ZNF385D: variants seen among roughly 807,000 people sequenced by gnomAD.
ZNF385D encodes zinc finger protein 659.
ZNF385D carries 15 observed loss-of-function variants against 35.8 expected under a neutral mutation model. The observed-to-expected ratio is 0.42, with a 90% CI of 0.28 to 0.64. ZNF385D has a LOEUF of 0.64. ZNF385D is among the 30% of genes least tolerant of loss of function. The pLI is 0.23. For missense variants in ZNF385D, 474 were observed against 494.6 expected (o/e 0.96, Z 0.39); for synonymous variants, 212 against 186.8 (o/e 1.13, Z -1.10).
chr3:22,153,717 G>C (rs1705411854), intron 3 of ZNF385D, among the ~76,000 whole-genome samples: 1 of 152,038 alleles, frequency 6.6e-6, no homozygotes, highest in Non-Finnish European at 1.5e-5. Flanking sequence ...ACCCACCTCG[G>C]CCTCCCAAAG....
intron 3 of ZNF385D, among the ~76,000 whole-genome samples, chr3:21,925,032 C>A (rs1228809660): frequency 6.6e-6 from 1 of 152,110 alleles, no homozygotes; most frequent in Admixed American, 6.6e-5. Context: ...GAGGTACATA[C>A]CATGTTCATG....
intron 4 of ZNF385D, among the ~76,000 whole-genome samples, chr3:21,484,792 T>C (rs141084212): frequency 0.015 from 2,257 of 152,274 alleles, 50 homozygotes; most frequent in African/African-American, 0.05. Flanking sequence ...CCTACAAGGC[T>C]GTCTCTTCCA....
chr3:22,229,478 G>A (rs957813249), intron 2 of ZNF385D, among the ~76,000 whole-genome samples: 1 of 152,188 alleles, frequency 6.6e-6, no homozygotes, highest in African/African-American at 2.4e-5. Flanking sequence ...ATTGTTGGCT[G>A]TTTTCCAGAT....
At chr3:21,702,639 T>C (rs1466770262) in intron 1 of ZNF385D, among the ~76,000 whole-genome samples, 1 of 152,238 alleles carries the variant, frequency 6.6e-6, no homozygotes, top group Admixed American at 6.5e-5. Context: ...TGAACTTTTA[T>C]GCACTGTTTC....
intron 3 of ZNF385D, among the ~76,000 whole-genome samples, chr3:21,948,101 T>C (rs12330201): frequency 0.072 from 10,992 of 152,116 alleles, 1,317 homozygotes; most frequent in African/African-American, 0.25. Flanking sequence ...TTTTTTCCTG[T>C]CAATATCACA....
At chr3:22,117,845 A>G (rs960175761) in intron 3 of ZNF385D, among the ~76,000 whole-genome samples, 1 of 152,044 alleles carries the variant, frequency 6.6e-6, no homozygotes, top group Non-Finnish European at 1.5e-5. Flanking sequence ...CTTTTTATCT[A>G]ATATAATCGT....
chr3:22,289,911 G>C (rs757651019), intron 2 of ZNF385D, among the ~76,000 whole-genome samples: 88 of 152,232 alleles, frequency 5.8e-4, no homozygotes, highest in Non-Finnish European at 1.1e-3. Flanking sequence ...CTCTAATGCA[G>C]CCTTGTTAGA....
At chr3:21,906,728 G>A (rs534899236) in intron 3 of ZNF385D, among the ~76,000 whole-genome samples, 1 of 152,254 alleles carries the variant, frequency 6.6e-6, no homozygotes, top group Non-Finnish European at 1.5e-5. Context: ...GCTTTTGGAT[G>A]TTATTGTTCT....
chr3:21,480,309 A>C lies in ZNF385D; in HGVS notation c.439+30552T>G, dbSNP rs537180201. On this transcript the variant is annotated intron_variant, in intron 4 of 7. Coordinates refer to ENST00000281523, the MANE Select transcript of ZNF385D (RefSeq NM_024697.3). ...GTAGATACAGGGTTTCACCATGTTG[A>C]TCAGGCTGATCTCGAACTCCTGACC... 2.6e-5 allele frequency among the ~76,000 whole-genome samples: 4 copies of C among 152,020 alleles called. No individual in the cohort carries two copies. The East Asian group carries it at 7.8e-4, about 30-fold the overall frequency.
rs931162078 is a variant in ZNF385D, at chr3:21,887,991, G to A, written c.326-222963C>T. 2.0e-5 allele frequency among the ~76,000 whole-genome samples: 3 copies of A among 152,032 alleles called. No homozygotes were observed. In the East Asian group the frequency reaches 5.8e-4, roughly 29 times the overall value. On this transcript the variant is annotated intron_variant, in intron 3 of 5. Coordinates refer to the ZNF385D transcript ENST00000494108. The stretch of plus-strand genomic sequence containing the variant: ...CTACTTACTAAAAATACATCACAAT[G>A]AATAAAATTACTGTTAAAATAAAGT...
Position 21,986,050 on chromosome 3 carries a change from TTCTC to T in ZNF385D, c.325+182763_325+182766del, listed in dbSNP as rs1225408138. ...ATTTTTTATTGTGTCTATTTGATTC[TTCTC>T]TCTTTTTTTCTTTATTAGTCTTCCT... is the stretch of plus-strand genomic sequence containing the variant. On this transcript the variant is annotated intron_variant, in intron 3 of 5. Transcript: ENST00000494108. Among the ~76,000 whole-genome samples, 2 of 104,336 alleles carry T rather than the reference TTCTC, an allele frequency of 1.9e-5. 1 individual carries two copies. The highest frequency in any genetic ancestry group is 3.6e-5 in the Non-Finnish European group (2 of 56,326). 68.4% of individuals were successfully genotyped at this position (104,336 alleles called of 152,430 possible). A position where few individuals can be genotyped will look rare whatever the true frequency, so the allele number is the denominator to read the frequency against.
chr3:21,417,191 G>T lies in ZNF385D; in HGVS notation c.*4023C>A, dbSNP rs1467767320. ...TAGCTGCATTGGTCACTCGAATAAA[G>T]AATTTTTATTCCTGAGAGGATAAAA... is the stretch of plus-strand genomic sequence containing the variant. On this transcript the variant is annotated 3_prime_UTR_variant, in exon 8 of 8. Transcript: ENST00000281523. The T allele has an allele frequency of 6.6e-6, 1 of 152,070 alleles. No homozygotes were observed. The highest frequency in any genetic ancestry group is 1.5e-5 in the Non-Finnish European group (1 of 67,976). 9.4% of individuals were successfully genotyped at this position (152,070 alleles called of 1,614,324 possible).
chr3:22,333,413 T>G (rs1695024971), intron 2 of ZNF385D, among the ~76,000 whole-genome samples: 2 of 152,192 alleles, frequency 1.3e-5, no homozygotes, highest in African/African-American at 2.4e-5. Context: ...AAATGTTAAA[T>G]TGACTTTTCG....
intron 2 of ZNF385D, among the ~76,000 whole-genome samples, chr3:22,307,486 C>T (rs896881927): frequency 3.9e-5 from 6 of 152,062 alleles, no homozygotes. Context: ...TAAGAAAAAA[C>T]ATGGTTATTT....
chr3:21,702,496 A>G (rs983362865), intron 1 of ZNF385D, among the ~76,000 whole-genome samples: 8 of 152,214 alleles, frequency 5.3e-5, no homozygotes, highest in Admixed American at 3.9e-4. Context: ...CATGGCCTGG[A>G]AACATTTTCC....
intron 3 of ZNF385D, among the ~76,000 whole-genome samples, chr3:22,117,209 CAAGTAG>C (rs1238121505): frequency 6.6e-6 from 1 of 151,906 alleles, no homozygotes; most frequent in African/African-American, 2.4e-5. Flanking sequence ...TAAATTATTA[CAAGTAG>C]AAGTGTGCTT....
chr3:21,638,524 A>G (rs565865135), intron 2 of ZNF385D, among the ~76,000 whole-genome samples: 1 of 152,226 alleles, frequency 6.6e-6, no homozygotes, highest in Admixed American at 6.5e-5. Flanking sequence ...GGACTTGGGA[A>G]GCAAAAGGAA....
intron 3 of ZNF385D, among the ~76,000 whole-genome samples, chr3:22,167,313 C>T (rs1706398834): frequency 6.6e-6 from 1 of 152,158 alleles, no homozygotes; most frequent in Non-Finnish European, 1.5e-5. Flanking sequence ...CTTGCACACT[C>T]ACAAATATAT....
chr3:21,628,897 C>T (rs1231322547), intron 2 of ZNF385D, among the ~76,000 whole-genome samples: 1 of 152,056 alleles, frequency 6.6e-6, no homozygotes, highest in Admixed American at 6.6e-5. Context: ...TAAATGTGAC[C>T]TAAAATATCC....
Sources: gnomAD v4.1 joint callset for allele counts (sites outside exome capture counted in the v4.1 genomes callset) on GRCh38, gnomAD v4.1.1 for gene constraint, MANE v1.5 for transcripts, NCBI Gene and HGNC (gene_info 2026-07-23, HGNC 2026-07-21) for gene names.